SVEP1: variants seen among roughly 807,000 people sequenced by gnomAD.
SVEP1 encodes sushi, von Willebrand factor type A, EGF and pentraxin domain-containing protein 1.
SVEP1 carries 164 observed loss-of-function variants against 367.3 expected under a neutral mutation model. The observed-to-expected ratio is 0.45, with a 90% CI of 0.39 to 0.51. SVEP1 has a LOEUF of 0.51. Ranked by LOEUF, SVEP1 falls within the 20% of genes least tolerant of loss-of-function variation. The probability of loss-of-function intolerance (pLI) is 0.00; values close to 1 mark genes in which losing one functional copy is unlikely to be tolerated. For synonymous variants in SVEP1, 1,666 were observed against 1,611.6 expected (o/e 1.03, Z -0.81); for missense variants, 4,117 against 4,425.3 (o/e 0.93, Z 1.98).
chr9:110,540,529 G>C (rs939949189), intron 3 of SVEP1, among the ~76,000 whole-genome samples: 1 of 151,972 alleles, frequency 6.6e-6, no homozygotes, highest in African/African-American at 2.4e-5. Context: ...TGATATCTGG[G>C]TATTCCTGTT....
rs771492714 is a variant in SVEP1, at chr9:110,546,238, A to C, written c.841T>G (p.Cys281Gly). Residue 281 changes from cysteine (C) to glycine (G), a missense_variant, in exon 3 of 48, where the codon TGT (cysteine) becomes GGT (glycine). Cys to Gly is a radical substitution (Grantham distance 159, BLOSUM62 -3). Coordinates refer to ENST00000374469, the MANE Select transcript of SVEP1 (RefSeq NM_153366.4). ...QDDMVHCSYL[C>G]DEGKDCCDRM... is the part of the protein sequence containing the mutation. Reference sequence around the variant, plus strand: ...TCACAGCAGTCCTTGCCTTCATCACAAAGATATGAGCAGTGGACCATATCA... The same window carrying C: ...TCACAGCAGTCCTTGCCTTCATCACCAAGATATGAGCAGTGGACCATATCA... The C allele has an allele frequency of 4.4e-6, 7 of 1,591,848 alleles. No homozygotes were observed. Among genetic ancestry groups the C allele is most frequent in the Non-Finnish European group, 3.4e-6 (4 of 1,168,760 alleles).
In SVEP1 at chr9:110,499,192, G is replaced by A. The variant is rs1039503775; in HGVS notation, c.1530C>T (p.Ser510=). ...CTGGCTGCTTGCCACAGTTGTGGGGGGATATGATGACATCTTTGGGCATCT... is the reference window on the plus strand; with the variant it reads ...CTGGCTGCTTGCCACAGTTGTGGGGAGATATGATGACATCTTTGGGCATCT... The part of the protein sequence containing the change: ...TFQMPKDVII[S]PHNCGKQPAK... Residue 510 remains serine (S), a synonymous_variant, in exon 7 of 48, where the codon TCC becomes TCT. Transcript: ENST00000374469. 5 of 1,613,136 alleles carry A rather than the reference G, an allele frequency of 3.1e-6. No homozygotes were observed. Among genetic ancestry groups the A allele is most frequent in the Non-Finnish European group, 4.2e-6 (5 of 1,179,462 alleles).
At chr9:110,530,718 G>A (rs1373507750) in intron 3 of SVEP1, among the ~76,000 whole-genome samples, 2 of 151,822 alleles carry the variant, frequency 1.3e-5, no homozygotes, top group Admixed American at 1.3e-4. Context: ...TGTATTTTTT[G>A]TAGAGACGGG....
At chr9:110,505,629 G>A (rs1329251876) in intron 5 of SVEP1, among the ~76,000 whole-genome samples, 1 of 151,868 alleles carries the variant, frequency 6.6e-6, no homozygotes, top group East Asian at 1.9e-4. Context: ...AAAACTTCCA[G>A]CTCCTTTGAA....
chr9:110,454,449 A>G (rs1237602224), intron 22 of SVEP1, among the ~76,000 whole-genome samples: 1 of 152,194 alleles, frequency 6.6e-6, no homozygotes, highest in Non-Finnish European at 1.5e-5. Flanking sequence ...CAGCAATCCC[A>G]TTACTGGGTA....
At chr9:110,569,506 T>C (rs747565493) in intron 1 of SVEP1, among the ~76,000 whole-genome samples, 1 of 151,204 alleles carries the variant, frequency 6.6e-6, no homozygotes, top group Non-Finnish European at 1.5e-5. Flanking sequence ...TCAGAGAAAT[T>C]AAGAAAAGAG....
chr9:110,414,719 T>C (rs1461070518), intron 36 of SVEP1, among the ~76,000 whole-genome samples: 1 of 151,954 alleles, frequency 6.6e-6, no homozygotes, highest in African/African-American at 2.4e-5. Flanking sequence ...GAGAGCTTTA[T>C]GACAGAGCTC....
chr9:110,551,229 G>A (rs1278342887), intron 1 of SVEP1, among the ~76,000 whole-genome samples: 4 of 152,188 alleles, frequency 2.6e-5, no homozygotes, highest in Non-Finnish European at 4.4e-5. Context: ...ACTTTAGGGT[G>A]CAGACTCACT....
chr9:110,460,669 T>C (rs371577305), intron 18 of SVEP1, among the ~76,000 whole-genome samples: 18 of 152,192 alleles, frequency 1.2e-4, no homozygotes, highest in African/African-American at 4.1e-4. Flanking sequence ...GGAGAATTGC[T>C]TGAACCCAGG....
intron 44 of SVEP1, among the ~76,000 whole-genome samples, chr9:110,377,622 T>C (rs764121770): frequency 3.3e-5 from 5 of 152,222 alleles, no homozygotes; most frequent in Non-Finnish European, 5.9e-5. Context: ...TACAACCTGA[T>C]GTTTTGATTT....
Position 110,483,743 on chromosome 9 carries a change from G to A in SVEP1, c.1931-50C>T, listed in dbSNP as rs375901043. ...GAAGTCACAGCTGATATTCACAAAC[G>A]ATGAGGAGGTTTTCAAAAGAGAACT... On this transcript the variant is annotated intron_variant, in intron 9 of 47. Coordinates refer to ENST00000374469, the MANE Select transcript of SVEP1 (RefSeq NM_153366.4). 1.9e-4 allele frequency: 270 copies of A among 1,390,768 alleles called. 2 individuals carry two copies. Among genetic ancestry groups the A allele is most frequent in the Non-Finnish European group, 2.4e-4 (248 of 1,031,454 alleles). The allele number at this position is 1,390,768 out of a possible 1,614,324, so 86.2% of individuals were successfully genotyped here.
At chr9:110,382,146 CTTG>C in intron 43 of SVEP1, among the ~76,000 whole-genome samples, 1 of 152,118 alleles carries the variant, frequency 6.6e-6, no homozygotes, top group East Asian at 1.9e-4. Flanking sequence ...ATTTTGCAGA[CTTG>C]TTGATGTAGT....
intron 13 of SVEP1, among the ~76,000 whole-genome samples, chr9:110,478,872 T>C (rs2118692371): frequency 6.6e-6 from 1 of 152,216 alleles, no homozygotes; most frequent in South Asian, 2.1e-4. Flanking sequence ...GGTTCCTGCC[T>C]TGAAGATGTT....
intron 10 of SVEP1, among the ~76,000 whole-genome samples, chr9:110,483,094 A>C (rs1214792551): frequency 6.6e-6 from 1 of 152,172 alleles, no homozygotes; most frequent in African/African-American, 2.4e-5. Context: ...TAAATTAAGA[A>C]ATTACTTAAT....
chr9:110,513,954 A>G lies in SVEP1; in HGVS notation c.1117T>C (p.Cys373Arg), dbSNP rs1317031064. ...REGYRASGQT[C>R]ELVHCPALKP... ...CCAACAGTGGGAGACTCACGTTCAC[A>G]GGTCTGGCCAGATGCCCTGTATCCC... Residue 373 changes from cysteine to arginine, a missense_variant, in exon 4 of 48, where the codon TGT (cysteine) becomes CGT (arginine). This residue lies in a region of SVEP1 where 2,174 missense variants were observed against 2,494.3 expected (regional missense o/e 0.87). Coordinates refer to ENST00000374469, the MANE Select transcript of SVEP1 (RefSeq NM_153366.4). 3 of 1,611,086 alleles carry G rather than the reference A, an allele frequency of 1.9e-6. No homozygotes were observed. The highest frequency in any genetic ancestry group is 2.5e-6 in the Non-Finnish European group (3 of 1,178,268).
intron 46 of SVEP1, 47 bp from the exon 47 acceptor site, chr9:110,370,063 C>G (rs763664299): frequency 3.2e-6 from 5 of 1,543,350 alleles, no homozygotes; most frequent in South Asian, 2.3e-5. Context: ...CTTAGCAATT[C>G]TGATGATATC....
chr9:110,370,347 T>C (rs1002371167), intron 46 of SVEP1, among the ~76,000 whole-genome samples: 4 of 152,174 alleles, frequency 2.6e-5, no homozygotes, highest in Admixed American at 6.5e-5. Context: ...TCTGACACTT[T>C]GAATGTTTTG....
chr9:110,402,748 A>G (rs1489239635), intron 39 of SVEP1, among the ~76,000 whole-genome samples: 1 of 152,192 alleles, frequency 6.6e-6, no homozygotes, highest in Admixed American at 6.6e-5. Context: ...TCTTAGACAA[A>G]GTTTCCTCTA....
Position 110,579,445 on chromosome 9 carries a change from G to A in SVEP1, c.99C>T (p.Arg33=), listed in dbSNP as rs779966641. The A allele has an allele frequency of 2.0e-5, 32 of 1,596,670 alleles. No homozygotes were observed. The highest frequency in any genetic ancestry group is 1.1e-4 in the East Asian group (5 of 44,018). ...QMSPSRNFSF[R]LFPETAPGAP... ...CCCCGGGCGCGGTCTCGGGGAAGAG[G>A]CGGAAGCTGAAATTGCGCGACGGGG... The change falls in exon 1 of 48, where the codon CGC becomes CGT. Residue 33 remains arginine, a synonymous_variant. Coordinates refer to ENST00000374469, the MANE Select transcript of SVEP1 (RefSeq NM_153366.4). This position sits in a 1 kb window ranked among gnomAD's most constrained non-coding sequence, Gnocchi z 5.3.
Sources: allele counts gnomAD v4.1 joint callset (sites outside exome capture counted in the v4.1 genomes callset), GRCh38; gene constraint gnomAD v4.1.1; regional missense constraint gnomAD v4.1.1; non-coding constraint Gnocchi (gnomAD v3.1); transcripts MANE v1.5; gene names NCBI Gene and HGNC (gene_info 2026-07-23, HGNC 2026-07-21).